The following PHF14 variants were observed in gnomAD, a reference collection of about 807,000 sequenced individuals.
PHF14 encodes the protein PHD finger protein 14.
Under a neutral mutation model 117.9 loss-of-function variants are expected in PHF14, and 55 were observed. The observed-to-expected ratio is 0.47, with a 90% CI of 0.38 to 0.58. PHF14 has a LOEUF of 0.58. PHF14 is among the 20% of genes least tolerant of loss of function. PHF14 has a pLI of 0.00. For missense variants in PHF14, 978 were observed against 1,122.2 expected, an observed-to-expected ratio of 0.87 and a Z score of 1.84; for synonymous variants, 409 against 368.6, an observed-to-expected ratio of 1.11 and a Z score of -1.26.
At chr7:11,009,428 T>C (rs996642918) in intron 4 of PHF14, among the ~76,000 whole-genome samples, 18 of 152,242 alleles carry the variant, frequency 1.2e-4, no homozygotes, top group African/African-American at 4.3e-4. Context: ...AGATTGATGC[T>C]AATTAAATGG....
chr7:11,059,761 G>A (rs907480709), intron 14 of PHF14, among the ~76,000 whole-genome samples: 19 of 151,854 alleles, frequency 1.3e-4, no homozygotes, highest in African/African-American at 4.6e-4. Context: ...AGCAACAGAG[G>A]GAGAGTCTGT....
At chr7:11,057,785 C>T (rs987542854) in intron 14 of PHF14, among the ~76,000 whole-genome samples, 2 of 151,980 alleles carry the variant, frequency 1.3e-5, no homozygotes, top group African/African-American at 4.8e-5. Context: ...TTTTAATCAC[C>T]TCTTTTCAAG....
In PHF14 at chr7:11,111,260, A is replaced by G; in HGVS notation, c.2655-90A>G. 6.7e-6 allele frequency: 4 copies of G among 594,480 alleles called. No individual in the cohort carries two copies. The South Asian group carries it at 7.1e-5, about 10-fold the overall frequency. 36.8% of individuals were successfully genotyped at this position (594,480 alleles called of 1,614,324 possible). On this transcript the variant is annotated intron_variant, in intron 16 of 17. Coordinates refer to ENST00000634607, the MANE Select transcript of PHF14 (RefSeq NM_001007157.2). The stretch of plus-strand genomic sequence containing the variant: ...AAATTAACAGTGTTGAAGTTGAAAT[A>G]TACAATAGTTTGTCTTTTTGTCTTT...
At position 10,982,385 on chromosome 7, in the gene PHF14, T is replaced by C. The variant is rs368464311; in HGVS notation, c.126T>C (p.Ser42=). ...TATTTTCAACAGATTCTGAAGGGAG[T>C]GGTAATGGAAGTGAAGATGCTTCAA... The part of the protein sequence containing the change: ...KVGDASDSEG[S]GNGSEDASKD... The change falls in exon 3 of 18, where the codon AGT becomes AGC. Residue 42 remains serine (S), a synonymous_variant. Transcript: ENST00000634607. The C allele has an allele frequency of 1.3e-6, 2 of 1,543,330 alleles. No individual in the cohort carries two copies. The highest frequency in any genetic ancestry group is 1.7e-6 in the Non-Finnish European group (2 of 1,151,772).
chr7:11,121,252 A>C (rs1255944274), intron 17 of PHF14, among the ~76,000 whole-genome samples: 1 of 152,196 alleles, frequency 6.6e-6, no homozygotes, highest in Non-Finnish European at 1.5e-5. Context: ...TTCCTTGTTG[A>C]GTCTGGAAGT....
chr7:11,035,491 A>G (rs1784292791), intron 7 of PHF14, 149 bp from the exon 8 acceptor site: 1 of 426,010 alleles, frequency 2.3e-6, no homozygotes, highest in East Asian at 3.6e-5. Context: ...AATTTTTGTC[A>G]TTATGTACAA....
chr7:11,095,111 C>A (rs571036312), intron 16 of PHF14, among the ~76,000 whole-genome samples: 43 of 152,192 alleles, frequency 2.8e-4, no homozygotes, highest in African/African-American at 9.6e-4. Flanking sequence ...TAAACTAGAA[C>A]AAATTGTAGT....
At chr7:11,134,708 T>C (rs1788170971) in intron 17 of PHF14, among the ~76,000 whole-genome samples, 1 of 152,084 alleles carries the variant, frequency 6.6e-6, no homozygotes, top group East Asian at 1.9e-4. Flanking sequence ...GTTCAGTCTA[T>C]CATTAAGCAC....
intron 16 of PHF14, among the ~76,000 whole-genome samples, chr7:11,080,982 C>T (rs1238859716): frequency 2.6e-5 from 4 of 152,126 alleles, no homozygotes; most frequent in Non-Finnish European, 4.4e-5. Flanking sequence ...AAATCAAAGA[C>T]TTCACCATTA....
At chr7:11,160,673 A>G (rs1420230491) in intron 17 of PHF14, among the ~76,000 whole-genome samples, 1 of 152,194 alleles carries the variant, frequency 6.6e-6, no homozygotes, top group African/African-American at 2.4e-5. Flanking sequence ...ACAATTAGCG[A>G]TGTTGAGCAT....
At chr7:11,072,275 A>G (rs947516725) in intron 16 of PHF14, among the ~76,000 whole-genome samples, 4 of 152,124 alleles carry the variant, frequency 2.6e-5, no homozygotes, top group African/African-American at 7.2e-5. Flanking sequence ...TTAAACAGCC[A>G]GATCTTCTAA....
chr7:11,080,896 GTAATGAAGA>G (rs1289886045), intron 16 of PHF14, among the ~76,000 whole-genome samples: 6 of 152,140 alleles, frequency 3.9e-5, no homozygotes, highest in Non-Finnish European at 5.9e-5. Context: ...CGCTACAACA[GTAATGAAGA>G]TAATGTCTAA....
intron 16 of PHF14, among the ~76,000 whole-genome samples, chr7:11,084,915 G>A (rs539162697): frequency 6.6e-6 from 1 of 151,918 alleles, no homozygotes; most frequent in Non-Finnish European, 1.5e-5. Context: ...TATCTTTGGA[G>A]ATTTTTTTTT....
intron 13 of PHF14, among the ~76,000 whole-genome samples, chr7:11,051,324 T>A (rs1004149812): frequency 3.3e-5 from 5 of 152,278 alleles, no homozygotes; most frequent in Middle Eastern, 3.4e-3. Context: ...CAAAACCACC[T>A]TTTTAATCAG....
chr7:11,103,515 G>A (rs1787159901), intron 16 of PHF14: 1 of 984,844 alleles, frequency 1.0e-6, no homozygotes, highest in African/African-American at 1.7e-5. Flanking sequence ...GTCAACGGCA[G>A]AAGTATGTTG....
intron 5 of PHF14, 30 bp from the exon 6 acceptor site, chr7:11,022,838 T>C: frequency 1.5e-6 from 2 of 1,304,026 alleles, no homozygotes; most frequent in Non-Finnish European, 2.1e-6. Context: ...TTAAAAGATT[T>C]GATAGCAAAA....
chr7:11,041,607 A>G (rs920298593), intron 12 of PHF14, among the ~76,000 whole-genome samples: 1 of 151,940 alleles, frequency 6.6e-6, no homozygotes. Context: ...GGCTCCCTCT[A>G]CAAGTAATAG....
At chr7:11,155,702 A>G (rs973547666) in intron 17 of PHF14, among the ~76,000 whole-genome samples, 13 of 151,918 alleles carry the variant, frequency 8.6e-5, no homozygotes, top group African/African-American at 2.9e-4. Flanking sequence ...TGAGTGATCA[A>G]TTGTTTTAGT....
chr7:11,066,091 C>G (rs1319835644), intron 16 of PHF14, among the ~76,000 whole-genome samples: 1 of 152,088 alleles, frequency 6.6e-6, no homozygotes, highest in African/African-American at 2.4e-5. Flanking sequence ...GGTAGGGTGT[C>G]AATTTGGTCT....
Sources: allele counts gnomAD v4.1 joint callset (sites outside exome capture counted in the v4.1 genomes callset), GRCh38; gene constraint gnomAD v4.1.1; transcripts MANE v1.5; gene names NCBI Gene and HGNC (gene_info 2026-07-23, HGNC 2026-07-21).